Variants in PTBP2 observed in about 807,000 individuals in gnomAD.
PTBP2 encodes the protein polypyrimidine tract binding protein 2.
A neutral mutation model predicts 61.4 loss-of-function variants in PTBP2; 13 were observed. That is an observed-to-expected ratio of 0.21 (90% CI 0.14 to 0.34). The LOEUF is 0.34. PTBP2 is among the 10% of genes least tolerant of loss of function. The probability of loss-of-function intolerance (pLI) is 1.00; values close to 1 mark genes in which losing one functional copy is unlikely to be tolerated. For missense variants in PTBP2, 405 were observed against 642.6 expected (o/e 0.63, Z 4.00); for synonymous variants, 215 against 218.5 (o/e 0.98, Z 0.14).
At chr1:96,736,270 T>C (rs902313392) in intron 2 of PTBP2, among the ~76,000 whole-genome samples, 5 of 152,220 alleles carry the variant, frequency 3.3e-5, no homozygotes, top group South Asian at 2.1e-4. Flanking sequence ...AAGTCTGATA[T>C]AGAAGTGAGG....
At position 96,804,818 on chromosome 1, in the gene PTBP2, G is replaced by A; in HGVS notation, c.923G>A (p.Ser308Asn). The part of the protein sequence containing the change: ...TSLLAVPGAL[S>N]PLAIPNAAAA... Reference sequence around the variant, plus strand: ...GTTGCAGCTGTTCCAGGAGCTCTGAGTCCTTTGGCCATTCCAAATGCTGCT... The same window carrying A: ...GTTGCAGCTGTTCCAGGAGCTCTGAATCCTTTGGCCATTCCAAATGCTGCT... Residue 308 changes from serine (S) to asparagine (N), a missense_variant, in exon 9 of 14, where the codon AGT (serine) becomes AAT (asparagine). By Grantham distance (46) the Ser-to-Asn change is conservative. Transcript: ENST00000674951. 1 of 1,611,044 alleles carries A rather than the reference G, an allele frequency of 6.2e-7. No individual in the cohort carries two copies. The highest frequency in any genetic ancestry group is 8.5e-7 in the Non-Finnish European group (1 of 1,178,076).
chr1:96,732,389 A>G (rs1651545637), intron 2 of PTBP2, among the ~76,000 whole-genome samples: 1 of 152,208 alleles, frequency 6.6e-6, no homozygotes, highest in South Asian at 2.1e-4. Flanking sequence ...AGATATTTTG[A>G]TGTCTGCGAA....
At chr1:96,815,298 T>G (rs1409208977), downstream of PTBP2, 2 of 152,146 alleles carry the variant, frequency 1.3e-5, no homozygotes, top group African/African-American at 4.8e-5. Context: ...CTGCTAAAGA[T>G]TTCTTACTAA....
chr1:96,771,572 A>G (rs1290585744), intron 5 of PTBP2: 1 of 151,986 alleles, frequency 6.6e-6, no homozygotes, highest in Admixed American at 6.6e-5. Context: ...AAAACTTTTT[A>G]CCTAAAAGAT....
chr1:96,759,919 A>G (rs1655608910), intron 3 of PTBP2, among the ~76,000 whole-genome samples: 1 of 152,214 alleles, frequency 6.6e-6, no homozygotes, highest in South Asian at 2.1e-4. Flanking sequence ...GTGGAAGGCA[A>G]GGAGGAGCAA....
chr1:96,789,194 TTTCC>T (rs1659526965), intron 8 of PTBP2, among the ~76,000 whole-genome samples: 1 of 152,022 alleles, frequency 6.6e-6, no homozygotes, highest in African/African-American at 2.4e-5. Flanking sequence ...ATTTTAGAGC[TTTCC>T]TTGTATTTCA....
intron 8 of PTBP2, among the ~76,000 whole-genome samples, chr1:96,796,335 C>T (rs183387484): frequency 6.6e-6 from 1 of 151,566 alleles, no homozygotes; most frequent in African/African-American, 2.4e-5. Flanking sequence ...GAAGCAGAAC[C>T]GAAATCATCA....
chr1:96,767,650 C>G (rs1296012040), intron 3 of PTBP2, among the ~76,000 whole-genome samples: 1 of 151,966 alleles, frequency 6.6e-6, no homozygotes, highest in Non-Finnish European at 1.5e-5. Flanking sequence ...TTGTGTGTGC[C>G]CATTATGTGT....
At chr1:96,754,218 T>C (rs1475620261) in intron 3 of PTBP2, among the ~76,000 whole-genome samples, 1 of 152,134 alleles carries the variant, frequency 6.6e-6, no homozygotes, top group Non-Finnish European at 1.5e-5. Context: ...GCGAATTTCT[T>C]TAGACTGAAT....
At chr1:96,806,077 T>TC (rs1661476516) in intron 9 of PTBP2, among the ~76,000 whole-genome samples, 1 of 152,196 alleles carries the variant, frequency 6.6e-6, no homozygotes, top group Admixed American at 6.5e-5. Context: ...ATTTTTTTCT[T>TC]CTGCATTGCT....
chr1:96,787,385 G>C (rs541461), intron 8 of PTBP2, among the ~76,000 whole-genome samples: 88,119 of 152,032 alleles, frequency 0.58, 26,181 homozygotes, highest in African/African-American at 0.71. Context: ...TAAGTTGCTC[G>C]CTTTGCCAAA....
chr1:96,733,531 TTAGA>T (rs1380661804), intron 2 of PTBP2, among the ~76,000 whole-genome samples: 3 of 151,942 alleles, frequency 2.0e-5, no homozygotes, highest in African/African-American at 7.3e-5. Flanking sequence ...CTTTTAAAAA[TTAGA>T]TAGATCTGGT....
chr1:96,774,333 A>G (rs1055140928), intron 5 of PTBP2, among the ~76,000 whole-genome samples: 1 of 152,156 alleles, frequency 6.6e-6, no homozygotes, highest in Non-Finnish European at 1.5e-5. Context: ...GGCTGCTACC[A>G]GTATAACACC....
chr1:96,822,963 T>TC (rs1289318908), exon 14 of PTBP2: 1 of 137,820 alleles, frequency 7.3e-6, no homozygotes, highest in African/African-American at 2.7e-5. Flanking sequence ...GATTTATCTC[T>TC]TTTTTTTTTT....
intron 7 of PTBP2, among the ~76,000 whole-genome samples, chr1:96,781,078 T>G (rs72721985): frequency 9.2e-5 from 14 of 152,200 alleles, no homozygotes; most frequent in Non-Finnish European, 1.9e-4. Context: ...ATCAGCATAC[T>G]TCTAGCAACA....
At chr1:96,752,954 G>A (rs962822578) in intron 3 of PTBP2, among the ~76,000 whole-genome samples, 1 of 152,146 alleles carries the variant, frequency 6.6e-6, no homozygotes, top group Admixed American at 6.5e-5. Context: ...AAACCACAGA[G>A]AAGTGGAGAG....
intron 2 of PTBP2, among the ~76,000 whole-genome samples, chr1:96,729,732 ATTTTTTT>A (rs748378072): frequency 4.5e-5 from 5 of 110,428 alleles, no homozygotes; most frequent in Non-Finnish European, 7.1e-5. Context: ...TGATACTACT[ATTTTTTT>A]TTTTTTTTTT....
chr1:96,781,401 C>T (rs768181172), intron 7 of PTBP2, among the ~76,000 whole-genome samples: 2 of 151,994 alleles, frequency 1.3e-5, no homozygotes, highest in African/African-American at 2.4e-5. Flanking sequence ...GCTTATAAGA[C>T]TCTAAATCAG....
intron 3 of PTBP2, among the ~76,000 whole-genome samples, chr1:96,758,146 A>G (rs1020075860): frequency 2.5e-4 from 38 of 152,054 alleles, no homozygotes; most frequent in African/African-American, 8.9e-4. Context: ...AAATAAGTCA[A>G]TATTAGTAAT....
Sources: gnomAD v4.1 joint callset for allele counts (sites outside exome capture counted in the v4.1 genomes callset) on GRCh38, gnomAD v4.1.1 for gene constraint, MANE v1.5 for transcripts, NCBI Gene and HGNC (gene_info 2026-07-23, HGNC 2026-07-21) for gene names.